Variants in CPED1 observed in about 807,000 individuals in gnomAD.
CPED1 encodes the protein cadherin like and PC-esterase domain containing 1.
In CPED1, 114 loss-of-function variants were observed where a neutral mutation model predicts 128.2. The observed-to-expected ratio is 0.89, with a 90% CI of 0.76 to 1.04. CPED1 has a LOEUF of 1.04. Ranked by LOEUF, CPED1 falls within the 50% of genes least tolerant of loss-of-function variation. The pLI is 0.00. For missense variants in CPED1, 1,211 were observed against 1,207.1 expected (o/e 1.00, Z -0.05); for synonymous variants, 462 against 426.7 (o/e 1.08, Z -1.02).
chr7:121,057,275 G>A (rs1793524398), intron 4 of CPED1, among the ~76,000 whole-genome samples: 1 of 152,148 alleles, frequency 6.6e-6, no homozygotes, highest in South Asian at 2.1e-4. Flanking sequence ...ACCGTGCCCA[G>A]CCTCTAATTT....
chr7:121,246,423 A>G (rs1445537743), intron 18 of CPED1, among the ~76,000 whole-genome samples: 1 of 152,202 alleles, frequency 6.6e-6, no homozygotes, highest in Non-Finnish European at 1.5e-5. Flanking sequence ...GAGGCTACGG[A>G]GTCCTAGATC....
At chr7:121,269,159 C>T (rs965883368) in intron 21 of CPED1, among the ~76,000 whole-genome samples, 1 of 152,036 alleles carries the variant, frequency 6.6e-6, no homozygotes, top group Non-Finnish European at 1.5e-5. Context: ...TTTGTCCTCT[C>T]CCTTCCTCCC....
At chr7:121,139,842 C>T (rs1795861740) in intron 14 of CPED1, among the ~76,000 whole-genome samples, 2 of 151,724 alleles carry the variant, frequency 1.3e-5, no homozygotes, top group African/African-American at 4.8e-5. Context: ...TTTTTTGTTG[C>T]CATGTTGTTA....
intron 7 of CPED1, among the ~76,000 whole-genome samples, chr7:121,116,956 CT>C (rs1563031788): frequency 1.2e-5 from 1 of 81,434 alleles, no homozygotes; most frequent in African/African-American, 4.0e-5. Context: ...CTCTCTCTCT[CT>C]CTCTCTATAT....
At chr7:121,052,330 A>T (rs2721331) in intron 4 of CPED1, among the ~76,000 whole-genome samples, 1,749 of 152,316 alleles carry the variant, frequency 0.011, 31 homozygotes, top group African/African-American at 0.039. Context: ...CTGAGCCCCA[A>T]AACATACGGT....
chr7:121,234,008 A>T (rs1422753937), intron 16 of CPED1, among the ~76,000 whole-genome samples: 1 of 152,136 alleles, frequency 6.6e-6, no homozygotes, highest in Non-Finnish European at 1.5e-5. Flanking sequence ...AAAAAGTGGC[A>T]TCAGGAAAGG....
intron 2 of CPED1, among the ~76,000 whole-genome samples, chr7:120,995,947 TCC>T (rs1407465175): frequency 0.025 from 1,070 of 42,448 alleles, 24 homozygotes; most frequent in African/African-American, 0.054. Context: ...CTCCTTCTTC[TCC>T]TCCTCCTCCT....
At chr7:121,171,972 T>A (rs2116470115) in intron 16 of CPED1, among the ~76,000 whole-genome samples, 1 of 152,352 alleles carries the variant, frequency 6.6e-6, no homozygotes, top group East Asian at 1.9e-4. Flanking sequence ...TTTAAAAATC[T>A]ATTTATTTGA....
In CPED1 at chr7:121,156,094, T is replaced by C. The variant is rs548588746; in HGVS notation, c.2055+13953T>C. 6.6e-5 allele frequency among the ~76,000 whole-genome samples: 10 copies of C among 152,300 alleles called. No homozygotes were observed. The South Asian group carries it at 2.1e-3, about 32-fold the overall frequency. The stretch of plus-strand genomic sequence containing the variant: ...TGGCCAACAAGGATGTGAAAAAATG[T>C]TCAACATACTAACCATCAGAGAAAT... On this transcript the variant is annotated intron_variant, in intron 16 of 22. Coordinates refer to ENST00000310396, the MANE Select transcript of CPED1 (RefSeq NM_024913.5).
intron 22 of CPED1, among the ~76,000 whole-genome samples, chr7:121,273,301 T>A (rs1024817847): frequency 6.6e-6 from 1 of 152,138 alleles, no homozygotes; most frequent in South Asian, 2.1e-4. Flanking sequence ...GGCGGGTGGA[T>A]CACTTGAGGT....
At chr7:121,003,252 G>GTTTGA (rs1218046188) in intron 2 of CPED1, among the ~76,000 whole-genome samples, 1 of 152,118 alleles carries the variant, frequency 6.6e-6, no homozygotes, top group East Asian at 1.9e-4. Context: ...AAAGCAATTT[G>GTTTGA]TTTGACCATC....
At chr7:121,107,171 G>A (rs1794997321) in intron 7 of CPED1, among the ~76,000 whole-genome samples, 3 of 152,052 alleles carry the variant, frequency 2.0e-5, no homozygotes, top group Admixed American at 2.0e-4. Flanking sequence ...AAAACTCCCT[G>A]CAATCTTCCT....
In CPED1 at chr7:121,140,878, A is replaced by G; in HGVS notation, c.1751A>G (p.Glu584Gly). The G allele has an allele frequency of 6.2e-7, 1 of 1,612,688 alleles. No homozygotes were observed. Among genetic ancestry groups the G allele is most frequent in the Non-Finnish European group, 8.5e-7 (1 of 1,179,178 alleles). The change falls in exon 15 of 23, where the codon GAA (glutamate) becomes GGA (glycine). Residue 584 changes from glutamate (E) to glycine (G), a missense_variant. Transcript: ENST00000310396. ...CAGATCTTCACACATCCACATTTGG[A>G]ACTAAATCCTGACTTTCATCCAAAG... is the stretch of plus-strand genomic sequence containing the variant. ...IKQIFTHPHL[E>G]LNPDFHPKIK...
At chr7:121,281,612 T>C (rs1254290950) in intron 22 of CPED1, among the ~76,000 whole-genome samples, 1 of 152,176 alleles carries the variant, frequency 6.6e-6, no homozygotes, top group Non-Finnish European at 1.5e-5. Flanking sequence ...GAATTTCAAT[T>C]CTTGCTACAC....
At chr7:121,200,879 C>T (rs1295599144) in intron 16 of CPED1, among the ~76,000 whole-genome samples, 1 of 151,992 alleles carries the variant, frequency 6.6e-6, no homozygotes, top group East Asian at 1.9e-4. Context: ...GTCATTGTAG[C>T]AGCAAAGGGT....
At chr7:121,073,753 A>G (rs1228174335) in intron 5 of CPED1, among the ~76,000 whole-genome samples, 2 of 146,680 alleles carry the variant, frequency 1.4e-5, no homozygotes, top group African/African-American at 5.0e-5. Flanking sequence ...TGTGGTGTCT[A>G]TTTGCTCTTG....
chr7:121,040,008 G>T (rs1035274588), intron 3 of CPED1, among the ~76,000 whole-genome samples: 1 of 151,980 alleles, frequency 6.6e-6, no homozygotes, highest in Non-Finnish European at 1.5e-5. Context: ...GCAGAAAGAG[G>T]GTAGACATTA....
At chr7:121,084,777 G>T (rs1298149024) in intron 5 of CPED1, among the ~76,000 whole-genome samples, 1 of 152,172 alleles carries the variant, frequency 6.6e-6, no homozygotes, top group African/African-American at 2.4e-5. Context: ...CAAAAGTTAT[G>T]TGGGACAGGG....
rs947241939 is a variant in CPED1 at position 121,224,355 on chromosome 7, T to G, written c.2056-12359T>G. 2.0e-5 allele frequency among the ~76,000 whole-genome samples: 3 copies of G among 152,214 alleles called. No individual in the cohort carries two copies. The South Asian group carries it at 6.2e-4, about 32-fold the overall frequency. On this transcript the variant is annotated intron_variant, in intron 16 of 22. Transcript: ENST00000310396. The stretch of plus-strand genomic sequence containing the variant: ...GTTGTGATTTCTGATCTTTTACATG[T>G]ACTGAGAAGTTCTTTGCTTCCAATT...
Sources: allele counts gnomAD v4.1 joint callset (sites outside exome capture counted in the v4.1 genomes callset), GRCh38; gene constraint gnomAD v4.1.1; transcripts MANE v1.5; gene names NCBI Gene and HGNC (gene_info 2026-07-23, HGNC 2026-07-21).